The following CARMIL1 variants were observed in gnomAD, a reference collection of about 807,000 sequenced individuals.
CARMIL1 encodes the protein capping protein regulator and myosin 1 linker 1.
Under a neutral mutation model 177.1 loss-of-function variants are expected in CARMIL1, and 90 were observed. The observed-to-expected ratio is 0.51, with a 90% CI of 0.43 to 0.61. The LOEUF (loss-of-function observed/expected upper bound fraction) is 0.61, where lower values mean the gene tolerates loss of function less well. CARMIL1 is among the 20% of genes least tolerant of loss of function. CARMIL1 has a pLI of 0.00. For synonymous variants in CARMIL1, 577 were observed against 606.2 expected, an observed-to-expected ratio of 0.95 and a Z score of 0.71; for missense variants, 1,380 against 1,667.0, an observed-to-expected ratio of 0.83 and a Z score of 3.00.
At chr6:25,442,343 G>C (rs1797845383) in intron 5 of CARMIL1, among the ~76,000 whole-genome samples, 1 of 151,616 alleles carries the variant, frequency 6.6e-6, no homozygotes, top group Non-Finnish European at 1.5e-5. Context: ...ATCAACGCTA[G>C]TGCTGCCTGC....
At chr6:25,320,387 A>G (rs372775945) in intron 2 of CARMIL1, among the ~76,000 whole-genome samples, 2 of 152,240 alleles carry the variant, frequency 1.3e-5, no homozygotes, top group African/African-American at 4.8e-5. Flanking sequence ...GAATAATGTA[A>G]CAGAGACTTC....
intron 1 of CARMIL1, among the ~76,000 whole-genome samples, chr6:25,283,995 GA>G (rs544264263): frequency 2.0e-5 from 3 of 152,080 alleles, no homozygotes; most frequent in Non-Finnish European, 4.4e-5. Context: ...TGGGATTACA[GA>G]CGTGAGCCAA....
intron 2 of CARMIL1, among the ~76,000 whole-genome samples, chr6:25,312,842 A>T (rs901239850): frequency 2.7e-5 from 4 of 150,772 alleles, no homozygotes; most frequent in African/African-American, 7.3e-5. Flanking sequence ...AACAGCTGGC[A>T]GATCTCTATA....
At chr6:25,393,155 A>G (rs1793045893) in intron 2 of CARMIL1, among the ~76,000 whole-genome samples, 1 of 152,056 alleles carries the variant, frequency 6.6e-6, no homozygotes, top group African/African-American at 2.4e-5. Context: ...TAGGTCTTTC[A>G]TTCTATTCTT....
chr6:25,459,271 T>TCTTTCTTTCTTTC (rs1799899017), intron 8 of CARMIL1, among the ~76,000 whole-genome samples: 4 of 140,330 alleles, frequency 2.9e-5, no homozygotes, highest in East Asian at 2.2e-4. Flanking sequence ...TCTTTCTTTT[T>TCTTTCTTTCTTTC]TTTTTTTTTA....
chr6:25,520,234 C>A lies in CARMIL1; in HGVS notation c.1875-10C>A, dbSNP rs562947396. ...TTTTAAATAAGTATATTATTTTCTC[C>A]TTTTTCTAGGAACTACACATTAAGA... On this transcript the variant is annotated splice_polypyrimidine_tract_variant and intron_variant, in intron 22 of 36. Transcript: ENST00000329474. The A allele has an allele frequency of 4.2e-5, 57 of 1,359,124 alleles. No homozygotes were observed. The African/African-American group carries it at 7.2e-4, about 17-fold the overall frequency. The allele number at this position is 1,359,124 out of a possible 1,614,324, so 84.2% of individuals were successfully genotyped here. A position where few individuals can be genotyped will look rare whatever the true frequency, so the allele number is the denominator to read the frequency against.
At position 25,520,275 on chromosome 6, in the gene CARMIL1, A is replaced by T; in HGVS notation, c.1906A>T (p.Met636Leu). 1 of 1,560,630 alleles carries T rather than the reference A, an allele frequency of 6.4e-7. No homozygotes were observed. Among genetic ancestry groups the T allele is most frequent in the Non-Finnish European group, 8.7e-7 (1 of 1,150,288 alleles). ...NYTLRFMPIP[M>L]YDASQALKTN... Reference sequence around the variant, plus strand: ...CACATTAAGATTTATGCCAATTCCTATGTATGATGCTTCTCAAGCCCTAAA... The same window carrying T: ...CACATTAAGATTTATGCCAATTCCTTTGTATGATGCTTCTCAAGCCCTAAA... The change falls in exon 23 of 37, where the codon ATG becomes TTG. Residue 636 changes from methionine to leucine, a missense_variant. Met to Leu is a conservative substitution (Grantham distance 15). Transcript: ENST00000329474.
chr6:25,513,724 C>T (rs570595593), intron 20 of CARMIL1, among the ~76,000 whole-genome samples: 29 of 152,248 alleles, frequency 1.9e-4, no homozygotes, highest in African/African-American at 6.3e-4. Flanking sequence ...TGGGGGCTGT[C>T]GTGTAGACCA....
At position 25,558,668 on chromosome 6, in the gene CARMIL1, C is replaced by G. The variant is rs1810848842; in HGVS notation, c.2742+1818C>G. The stretch of plus-strand genomic sequence containing the variant: ...TAAAGAGGCAGGAGTAGATGTAGAT[C>G]TCTTTGAATTCAACTCTCAGGACAA... On this transcript the variant is annotated intron_variant, in intron 29 of 36. Transcript: ENST00000329474. The surrounding 1 kb of genome is among the most constrained non-coding windows in gnomAD (Gnocchi z 4.1). Among the ~76,000 whole-genome samples the G allele has an allele frequency of 6.6e-6, 1 of 152,094 alleles. No individual in the cohort carries two copies. The highest frequency in any genetic ancestry group is 2.1e-4 in the South Asian group (1 of 4,830).
At chr6:25,301,916 A>G (rs1032122222) in intron 2 of CARMIL1, among the ~76,000 whole-genome samples, 1 of 152,154 alleles carries the variant, frequency 6.6e-6, no homozygotes, top group Non-Finnish European at 1.5e-5. Context: ...CCAGCTCACC[A>G]TATTTATTCC....
At chr6:25,545,032 GTGGCTAATGCCTCCCTTATTGGACAGCTC>G (rs1288392129) in intron 26 of CARMIL1, among the ~76,000 whole-genome samples, 3 of 152,182 alleles carry the variant, frequency 2.0e-5, no homozygotes, top group Non-Finnish European at 4.4e-5. Flanking sequence ...GTAGCCACAT[GTGGCTAATGCCTCCCTTATTGGACAGCTC>G]AGATATTCCT....
At chr6:25,613,689 T>C (rs1816674641) in intron 36 of CARMIL1, among the ~76,000 whole-genome samples, 1 of 152,358 alleles carries the variant, frequency 6.6e-6, no homozygotes, top group South Asian at 2.1e-4. Context: ...TAACTTCTTA[T>C]AAACATGACT....
chr6:25,599,081 C>T (rs1432403152), intron 32 of CARMIL1, among the ~76,000 whole-genome samples: 1 of 152,214 alleles, frequency 6.6e-6, no homozygotes, highest in Non-Finnish European at 1.5e-5. Flanking sequence ...TTCATTCTTT[C>T]CAGAGAGTGA....
chr6:25,518,325 A>G (rs540218822), intron 22 of CARMIL1, among the ~76,000 whole-genome samples: 1 of 152,232 alleles, frequency 6.6e-6, no homozygotes, highest in Non-Finnish European at 1.5e-5. Flanking sequence ...AAGGCATTTT[A>G]CCTCTCTGAT....
rs2151305780 is a variant in CARMIL1, at chr6:25,600,227, C to T, written c.3120-87C>T. 1.3e-5 allele frequency: 16 copies of T among 1,215,590 alleles called. No individual in the cohort carries two copies. In the South Asian group the frequency reaches 2.4e-4, roughly 18 times the overall value. 75.3% of individuals were successfully genotyped at this position (1,215,590 alleles called of 1,614,324 possible). A position where few individuals can be genotyped will look rare whatever the true frequency, so the allele number is the denominator to read the frequency against. On this transcript the variant is annotated intron_variant, in intron 32 of 36. Coordinates refer to ENST00000329474, the MANE Select transcript of CARMIL1 (RefSeq NM_017640.6). ...TTCTGAATGGTTACTGTATATGTAG[C>T]AATCTCCATATTTATATTTTGACTG... is the stretch of plus-strand genomic sequence containing the variant.
chr6:25,529,784 A>AAAAAAAAAAAAAAAAAAAAG (rs1807562237), intron 24 of CARMIL1, among the ~76,000 whole-genome samples: 1 of 145,586 alleles, frequency 6.9e-6, no homozygotes, highest in Non-Finnish European at 1.5e-5. Flanking sequence ...AAAAAAAAAA[A>AAAAAAAAAAAAAAAAAAAAG]AGAATAGGCT....
chr6:25,483,819 G>A (rs1469805724), intron 12 of CARMIL1, among the ~76,000 whole-genome samples: 2 of 151,888 alleles, frequency 1.3e-5, no homozygotes, highest in Non-Finnish European at 2.9e-5. Context: ...CTAGGCTGGA[G>A]TGCAGTGGTA....
intron 31 of CARMIL1, among the ~76,000 whole-genome samples, chr6:25,584,447 T>A (rs1039180213): frequency 6.7e-6 from 1 of 149,376 alleles, no homozygotes; most frequent in Non-Finnish European, 1.5e-5. Flanking sequence ...GAATTTCTCA[T>A]GTATCACTAG....
chr6:25,480,050 A>G (rs1195006420), intron 11 of CARMIL1, among the ~76,000 whole-genome samples: 2 of 152,274 alleles, frequency 1.3e-5, no homozygotes, highest in East Asian at 3.9e-4. Context: ...ACTAAGGAAC[A>G]TTCTGTTATT....
Sources: gnomAD v4.1 joint callset for allele counts (sites outside exome capture counted in the v4.1 genomes callset) on GRCh38, gnomAD v4.1.1 for gene constraint, Gnocchi (gnomAD v3.1) non-coding constraint, MANE v1.5 for transcripts, NCBI Gene and HGNC (gene_info 2026-07-23, HGNC 2026-07-21) for gene names.